P2RY6: variants seen among roughly 807,000 people sequenced by gnomAD.
The protein encoded by P2RY6 is pyrimidinergic receptor P2Y6, also known as P2Y purinoceptor 6.
Under a neutral mutation model 16.3 loss-of-function variants are expected in P2RY6, and 19 were observed. The ratio of observed to expected loss-of-function variants is 1.16; its 90% confidence interval spans 0.81 to 1.71. The LOEUF is 1.71. Ranked by LOEUF, P2RY6 falls within the 40% of genes most tolerant of loss-of-function variation. The pLI is 0.00. For synonymous variants in P2RY6, 184 were observed against 201.5 expected (o/e 0.91, Z 0.74); for missense variants, 389 against 455.5 (o/e 0.85, Z 1.33).
chr11:73,285,172 G>A (rs1863920130), intron 1 of P2RY6, among the ~76,000 whole-genome samples: 1 of 152,222 alleles, frequency 6.6e-6, no homozygotes. Context: ...CCAGGCTCAA[G>A]CGATTTTCCC....
intron 1 of P2RY6, among the ~76,000 whole-genome samples, chr11:73,283,981 G>A (rs374098104): frequency 5.9e-5 from 9 of 152,238 alleles, no homozygotes; most frequent in African/African-American, 2.2e-4. Context: ...TGGGTGAGGA[G>A]AGAAGGTGCA....
At chr11:73,294,301 T>C (rs1180589241) in intron 1 of P2RY6, among the ~76,000 whole-genome samples, 1 of 152,230 alleles carries the variant, frequency 6.6e-6, no homozygotes, top group Non-Finnish European at 1.5e-5. Context: ...AGCATATCTG[T>C]ATCTGTATCC....
At chr11:73,292,966 C>A in intron 1 of P2RY6, 1 of 18,224 alleles carries the variant, frequency 5.5e-5, no homozygotes, top group Non-Finnish European at 6.9e-5. Context: ...GCAGGGGTTG[C>A]GGGGGGTGGG....
At chr11:73,272,523 C>T (rs1234818204) in intron 1 of P2RY6, 57 bp downstream of exon 1, 4 of 985,234 alleles carry the variant, frequency 4.1e-6, no homozygotes, top group Non-Finnish European at 4.8e-6. Flanking sequence ...CCCCTAGGAG[C>T]TTCCTGAGTA....
At chr11:73,264,564 CG>C (rs1353453076) in exon 1 of P2RY6, 1 of 152,504 alleles carries the variant, frequency 6.6e-6, no homozygotes, top group Non-Finnish European at 1.5e-5. Context: ...GCCGTCTACA[CG>C]GTCCCCTCAT....
At position 73,296,694 on chromosome 11, in the gene P2RY6, C is replaced by T; in HGVS notation, c.176C>T (p.Thr59Ile). Residue 59 changes from threonine (T) to isoleucine (I), a missense_variant, in exon 3 of 3, where the codon ACC (threonine) becomes ATC (isoleucine). Coordinates refer to ENST00000540124, the MANE Select transcript of P2RY6 (RefSeq NM_001277204.2). ...ATCTGCACGTCCCGCCGGGCCCTGA[C>T]CCGCACGGCCGTGTACACCCTAAAC... ...TQICTSRRAL[T>I]RTAVYTLNLA... The T allele has an allele frequency of 1.9e-6, 3 of 1,614,044 alleles. No homozygotes were observed. The highest frequency in any genetic ancestry group is 1.7e-6 in the Non-Finnish European group (2 of 1,179,986).
rs368494158 is a variant in P2RY6 at position 73,285,161 on chromosome 11, C to T, written c.-120-10569C>T. On this transcript the variant is annotated intron_variant, in intron 1 of 2. Transcript: ENST00000540124. ...TCATAGCTCACTGCAGCCTTGGCCTCCCAGGCTCAAGCGATTTTCCCACCT... is the reference window on the plus strand; with the variant it reads ...TCATAGCTCACTGCAGCCTTGGCCTTCCAGGCTCAAGCGATTTTCCCACCT... Among the ~76,000 whole-genome samples the T allele has an allele frequency of 9.0e-4, 137 of 152,310 alleles. 2 individuals are homozygous for T. In the South Asian group the frequency reaches 0.028, roughly 31 times the overall value.
chr11:73,284,989 A>G (rs966226172), intron 1 of P2RY6, among the ~76,000 whole-genome samples: 8 of 152,206 alleles, frequency 5.3e-5, no homozygotes, highest in African/African-American at 1.9e-4. Flanking sequence ...TGCGTTGCGT[A>G]GGGGTTTATA....
chr11:73,274,833 C>A (rs963060281), intron 1 of P2RY6, among the ~76,000 whole-genome samples: 1 of 152,222 alleles, frequency 6.6e-6, no homozygotes, highest in African/African-American at 2.4e-5. Flanking sequence ...TGCAACAGCC[C>A]ACCCTGCCCC....
rs1205170183 is a variant in P2RY6, at chr11:73,297,229, G to A, written c.711G>A (p.Ala237=). Reference sequence around the variant, plus strand: ...TGGCCCAGGAGCGGCGTGGCAAGGCGGCCCGCATGGCCGTGGTGGTGGCTG... The same window carrying A: ...TGGCCCAGGAGCGGCGTGGCAAGGCAGCCCGCATGGCCGTGGTGGTGGCTG... ...EPVAQERRGK[A]ARMAVVVAAA... is the part of the protein sequence containing the mutation. The change falls in exon 3 of 3, where the codon GCG becomes GCA. Residue 237 remains alanine, a synonymous_variant. Coordinates refer to ENST00000540124, the MANE Select transcript of P2RY6 (RefSeq NM_001277204.2). 1.2e-5 allele frequency: 19 copies of A among 1,603,112 alleles called. No individual in the cohort carries two copies. The highest frequency in any genetic ancestry group is 8.8e-5 in the South Asian group (8 of 91,050).
At chr11:73,295,890 CAG>C (rs1035084291) in intron 2 of P2RY6, 75 bp downstream of exon 2, 36 of 481,802 alleles carry the variant, frequency 7.5e-5, no homozygotes, top group African/African-American at 6.3e-4. Context: ...GGCGAAGATG[CAG>C]AGAGACACCA....
chr11:73,296,987 AC>A lies in P2RY6; in HGVS notation c.472del (p.Gln158SerfsTer201). On this transcript the variant is annotated frameshift_variant, in exon 3 of 3. Coordinates refer to ENST00000540124, the MANE Select transcript of P2RY6 (RefSeq NM_001277204.2). LOFTEE classifies it high-confidence loss of function. ...VCVAVWLAVTTQCLPTAIFAA... is the reference protein window; with the variant it reads ...VCVAVWLAVTXQCLPTAIFAA... ...TGTAGCCGTGTGGCTGGCCGTGACA[AC>A]CCAGTGCCTGCCCACAGCCATCTTC... 6.2e-7 allele frequency: 1 copy of A among 1,601,614 alleles called. No homozygotes were observed. Among genetic ancestry groups the A allele is most frequent in the Non-Finnish European group, 8.5e-7 (1 of 1,179,936 alleles).
chr11:73,274,886 T>A (rs1289488458), intron 1 of P2RY6, among the ~76,000 whole-genome samples: 1 of 152,114 alleles, frequency 6.6e-6, no homozygotes, highest in Non-Finnish European at 1.5e-5. Context: ...CTGAAATAGG[T>A]TTCTATTTCA....
chr11:73,289,009 C>G (rs1302254052), intron 1 of P2RY6, among the ~76,000 whole-genome samples: 5 of 152,264 alleles, frequency 3.3e-5, no homozygotes, highest in Non-Finnish European at 5.9e-5. Context: ...CCTGCCTCAG[C>G]TGGCTGGCAG....
intron 1 of P2RY6, among the ~76,000 whole-genome samples, chr11:73,278,677 C>T (rs1381851904): frequency 1.3e-5 from 2 of 152,110 alleles, no homozygotes; most frequent in African/African-American, 4.8e-5. Flanking sequence ...AAGTTTCATC[C>T]ACGTTGTAGT....
At position 73,296,849 on chromosome 11, in the gene P2RY6, C is replaced by T. The variant is rs778195170; in HGVS notation, c.331C>T (p.His111Tyr). The change falls in exon 3 of 3, where the codon CAC becomes TAC. Residue 111 changes from histidine (H) to tyrosine (Y), a missense_variant. Transcript: ENST00000540124. The part of the protein sequence containing the change: ...LVRFLFYANL[H>Y]GSILFLTCIS... ...CCGCTTCCTCTTCTATGCCAACCTG[C>T]ACGGCAGCATCCTCTTCCTCACCTG... 6.2e-7 allele frequency: 1 copy of T among 1,610,756 alleles called. No homozygotes were observed. Among genetic ancestry groups the T allele is most frequent in the Non-Finnish European group, 8.5e-7 (1 of 1,180,018 alleles).
intron 1 of P2RY6, among the ~76,000 whole-genome samples, chr11:73,282,352 G>C (rs1334135122): frequency 6.6e-6 from 1 of 152,214 alleles, no homozygotes. Flanking sequence ...CTCCCAATGA[G>C]GACTTTCTTC....
At chr11:73,274,161 T>G (rs1386774133) in intron 1 of P2RY6, among the ~76,000 whole-genome samples, 1 of 152,178 alleles carries the variant, frequency 6.6e-6, no homozygotes, top group Non-Finnish European at 1.5e-5. Flanking sequence ...GGAGGCTTGT[T>G]GAAGGGAAAT....
At chr11:73,292,795 C>G (rs1565172433) in intron 1 of P2RY6, 6 of 985,338 alleles carry the variant, frequency 6.1e-6, no homozygotes, top group Non-Finnish European at 7.2e-6. Flanking sequence ...ACAGAGGAAG[C>G]TGCTCACTCT....
Sources: gnomAD v4.1 joint callset for allele counts (sites outside exome capture counted in the v4.1 genomes callset) on GRCh38, gnomAD v4.1.1 for gene constraint, MANE v1.5 for transcripts, NCBI Gene and HGNC (gene_info 2026-07-23, HGNC 2026-07-21) for gene names.